Variants in YWHAG observed in about 807,000 individuals in gnomAD.
YWHAG encodes tyrosine 3-monooxygenase/tryptophan 5-monooxygenase activation protein gamma.
In YWHAG, 1 loss-of-function variant was observed where a neutral mutation model predicts 23.3. The observed-to-expected ratio is 0.04, with a 90% CI of 0.02 to 0.20. The LOEUF is 0.20. YWHAG is among the 10% of genes least tolerant of loss of function. YWHAG has a pLI of 1.00. For synonymous variants in YWHAG, 160 were observed against 144.0 expected, an observed-to-expected ratio of 1.11 and a Z score of -0.80; for missense variants, 151 against 338.6, an observed-to-expected ratio of 0.45 and a Z score of 4.35.
intron 1 of YWHAG, among the ~76,000 whole-genome samples, chr7:76,357,211 A>G (rs1481527228): frequency 6.6e-6 from 1 of 152,212 alleles, no homozygotes; most frequent in Non-Finnish European, 1.5e-5. Flanking sequence ...TCTCTTCAAT[A>G]AGACAAAAAC....
chr7:76,327,668 G>GCCCCCCCCCCCCCCCCCCCCCCC lies in YWHAG; in HGVS notation c.*1908_*1909insGGGGGGGGGGGGGGGGGGGGGGG, dbSNP rs71085403. ...AATTAGGGAAAGCCCCACCTACCCT[G>GCCCCCCCCCCCCCCCCCCCCCCC]CCCCCCCCCCCCTCCCCCCCCAAAT... On this transcript the variant is annotated 3_prime_UTR_variant, in exon 2 of 2. Coordinates refer to ENST00000307630, the MANE Select transcript of YWHAG (RefSeq NM_012479.4). The GCCCCCCCCCCCCCCCCCCCCCCC allele has an allele frequency of 1.1e-3, 50 of 47,106 alleles. No homozygotes were observed. The highest frequency in any genetic ancestry group is 0.01 in the Middle Eastern group (1 of 98). The allele number at this position is 47,106 out of a possible 1,614,324, so 2.9% of individuals were successfully genotyped here.
Position 76,329,146 on chromosome 7 carries a change from G to C in YWHAG, c.*431C>G. ...TAGGCTACACCCTGGAAAACATGCA[G>C]AGCCGAGACAGATGAGATAGAAAGT... On this transcript the variant is annotated 3_prime_UTR_variant, in exon 2 of 2. Transcript: ENST00000307630. The surrounding 1 kb of genome is among the most constrained non-coding windows in gnomAD (Gnocchi z 6.1). The C allele has an allele frequency of 5.7e-6, 1 of 174,288 alleles. No individual in the cohort carries two copies. The highest frequency in any genetic ancestry group is 1.2e-5 in the Non-Finnish European group (1 of 81,538). The allele number at this position is 174,288 out of a possible 1,614,324, so 10.8% of individuals were successfully genotyped here.
chr7:76,332,533 CTTTT>C (rs1249759059), intron 1 of YWHAG, among the ~76,000 whole-genome samples: 1 of 151,868 alleles, frequency 6.6e-6, no homozygotes, highest in African/African-American at 2.4e-5. Flanking sequence ...TTTTTTTGTT[CTTTT>C]TGAGACATGG....
intron 1 of YWHAG, among the ~76,000 whole-genome samples, chr7:76,337,535 ATT>A (rs1299444317): frequency 9.3e-5 from 13 of 139,086 alleles, no homozygotes; most frequent in Middle Eastern, 3.7e-3. Flanking sequence ...CCCTTTGCTA[ATT>A]TTTTTTTTTT....
At chr7:76,334,750 A>C (rs1803593709) in intron 1 of YWHAG, among the ~76,000 whole-genome samples, 1 of 148,802 alleles carries the variant, frequency 6.7e-6, no homozygotes, top group East Asian at 2.0e-4. Context: ...AAAGAAAGAA[A>C]GAAAAGAAAA....
chr7:76,348,112 G>A (rs1358340807), intron 1 of YWHAG, among the ~76,000 whole-genome samples: 3 of 152,118 alleles, frequency 2.0e-5, no homozygotes, highest in African/African-American at 4.8e-5. Flanking sequence ...TAAATATGCA[G>A]CAGTTTAAAA....
intron 1 of YWHAG, among the ~76,000 whole-genome samples, chr7:76,345,770 A>C (rs989637217): frequency 6.6e-6 from 1 of 151,890 alleles, no homozygotes; most frequent in African/African-American, 2.4e-5. Flanking sequence ...ACCCGTCTCT[A>C]CTAAAAATAC....
rs893641785 is a variant in YWHAG, at chr7:76,327,126, A to G, written c.*2451T>C. The G allele has an allele frequency of 5.9e-5, 9 of 152,380 alleles. No homozygotes were observed. The highest frequency in any genetic ancestry group is 8.8e-5 in the Non-Finnish European group (6 of 68,024). The allele number at this position is 152,380 out of a possible 1,614,324, so 9.4% of individuals were successfully genotyped here. A position where few individuals can be genotyped will look rare whatever the true frequency, so the allele number is the denominator to read the frequency against. ...TCCCCCCCTTTTAAAAACAAAATAT[A>G]TAACTGCATGTCACTATAGCAACAT... On this transcript the variant is annotated 3_prime_UTR_variant, in exon 2 of 2. Transcript: ENST00000307630.
chr7:76,336,900 T>C (rs1035427149), intron 1 of YWHAG, among the ~76,000 whole-genome samples: 4 of 151,882 alleles, frequency 2.6e-5, no homozygotes, highest in Non-Finnish European at 5.9e-5. Context: ...GAGTGCTAAA[T>C]AGAAACAGAA....
chr7:76,349,299 A>G (rs1362892444), intron 1 of YWHAG, among the ~76,000 whole-genome samples: 3 of 150,538 alleles, frequency 2.0e-5, no homozygotes, highest in East Asian at 3.9e-4. Context: ...AGATCGCGCC[A>G]CTGCACTCCA....
intron 1 of YWHAG, among the ~76,000 whole-genome samples, chr7:76,345,462 A>G (rs1443560303): frequency 1.3e-5 from 2 of 151,420 alleles, no homozygotes; most frequent in Non-Finnish European, 2.9e-5. Context: ...CTGGGATTAC[A>G]GGCGTGAGCC....
rs894311679 is a variant in YWHAG at position 76,329,778 on chromosome 7, G to A, written c.543C>T (p.Val181=). 1.2e-6 allele frequency: 2 copies of A among 1,613,910 alleles called. No individual in the cohort carries two copies. Among genetic ancestry groups the A allele is most frequent in the Admixed American group, 1.7e-5 (1 of 59,928 alleles). ...IRLGLALNYS[V]FYYEIQNAPE... ...GGGCGTTCTGGATCTCATAGTAGAA[G>A]ACGGAGTAGTTAAGAGCCAGGCCTA... The change falls in exon 2 of 2, where the codon GTC becomes GTT. Residue 181 remains valine, a synonymous_variant. Coordinates refer to ENST00000307630, the MANE Select transcript of YWHAG (RefSeq NM_012479.4). The surrounding 1 kb of genome is among the most constrained non-coding windows in gnomAD (Gnocchi z 6.1).
In YWHAG at chr7:76,336,995, G is replaced by A. The variant is rs184375400; in HGVS notation, c.88-6762C>T. 3.9e-5 allele frequency among the ~76,000 whole-genome samples: 6 copies of A among 152,284 alleles called. No homozygotes were observed. In the East Asian group the frequency reaches 7.7e-4, roughly 20 times the overall value. The stretch of plus-strand genomic sequence containing the variant: ...AGACAGTGGATAAACCACTGCAAAC[G>A]GATGGGACACGGTTCTCCTTCATCA... On this transcript the variant is annotated intron_variant, in intron 1 of 1. Coordinates refer to ENST00000307630, the MANE Select transcript of YWHAG (RefSeq NM_012479.4).
intron 1 of YWHAG, among the ~76,000 whole-genome samples, chr7:76,358,481 C>G (rs1235736381): frequency 1.3e-4 from 20 of 151,540 alleles, no homozygotes; most frequent in Admixed American, 1.2e-3. Context: ...GACCTCGCCC[C>G]GGCCCGCGCC....
chr7:76,341,041 C>T (rs1386303754), intron 1 of YWHAG, among the ~76,000 whole-genome samples: 2 of 152,070 alleles, frequency 1.3e-5, no homozygotes, highest in African/African-American at 4.8e-5. Flanking sequence ...AGTGATCCTC[C>T]CGCCCCTCCC....
Position 76,327,331 on chromosome 7 carries a change from C to G in YWHAG, c.*2246G>C, listed in dbSNP as rs1450941165. On this transcript the variant is annotated 3_prime_UTR_variant, in exon 2 of 2. Transcript: ENST00000307630. ...AATTTCAAGCTACTGTATAGAAATACAACACTAGCATGCACAATATTGTAT... is the reference window on the plus strand; with the variant it reads ...AATTTCAAGCTACTGTATAGAAATAGAACACTAGCATGCACAATATTGTAT... The G allele has an allele frequency of 6.6e-6, 1 of 151,828 alleles. No individual in the cohort carries two copies. The highest frequency in any genetic ancestry group is 1.5e-5 in the Non-Finnish European group (1 of 67,966). 9.4% of individuals were successfully genotyped at this position (151,828 alleles called of 1,614,324 possible). A position where few individuals can be genotyped will look rare whatever the true frequency, so the allele number is the denominator to read the frequency against.
intron 1 of YWHAG, among the ~76,000 whole-genome samples, chr7:76,351,318 C>G (rs994564340): frequency 2.0e-5 from 3 of 152,190 alleles, no homozygotes; most frequent in African/African-American, 7.2e-5. Flanking sequence ...TAGCTTTCCT[C>G]GCCTTGGAAT....
intron 1 of YWHAG, among the ~76,000 whole-genome samples, chr7:76,330,445 T>A (rs928062138): frequency 3.3e-5 from 5 of 152,198 alleles, no homozygotes; most frequent in Non-Finnish European, 7.3e-5. Flanking sequence ...GTCTGAACCC[T>A]GGCTTCCTCC....
chr7:76,336,995 G>C (rs184375400), intron 1 of YWHAG, among the ~76,000 whole-genome samples: 1 of 152,166 alleles, frequency 6.6e-6, no homozygotes, highest in Non-Finnish European at 1.5e-5. Context: ...CACTGCAAAC[G>C]GATGGGACAC....
Sources: gnomAD v4.1 joint callset for allele counts (sites outside exome capture counted in the v4.1 genomes callset) on GRCh38, gnomAD v4.1.1 for gene constraint, Gnocchi (gnomAD v3.1) non-coding constraint, MANE v1.5 for transcripts, NCBI Gene and HGNC (gene_info 2026-07-23, HGNC 2026-07-21) for gene names.